DAPP1: variants seen among roughly 807,000 people sequenced by gnomAD.
DAPP1 encodes the protein dual adapter for phosphotyrosine and 3-phosphotyrosine and 3-phosphoinositide.
In DAPP1, 20 loss-of-function variants were observed where a neutral mutation model predicts 41.5. That is an observed-to-expected ratio of 0.48 (90% CI 0.34 to 0.70). DAPP1 has a LOEUF of 0.70. Ranked by LOEUF, DAPP1 falls within the 30% of genes least tolerant of loss-of-function variation. The pLI is 0.01. For missense variants in DAPP1, 233 were observed against 333.4 expected (o/e 0.70, Z 2.35); for synonymous variants, 113 against 116.2 (o/e 0.97, Z 0.18).
intron 2 of DAPP1, 45 bp from the exon 3 acceptor site, chr4:99,840,244 T>A: frequency 7.6e-7 from 1 of 1,315,424 alleles, no homozygotes; most frequent in Non-Finnish European, 1.0e-6. Flanking sequence ...TTCAACAAGA[T>A]ATTTATTTGT....
rs1306726250 is a variant in DAPP1, at chr4:99,869,458, T to C, written c.*1273T>C. On this transcript the variant is annotated 3_prime_UTR_variant, in exon 9 of 9. Transcript: ENST00000512369. ...TATGCTGCAAAGCTATGATATAAAC[T>C]GCTCTTGCAGTCCAAAGGGATACCT... 2 of 152,244 alleles carry C rather than the reference T, an allele frequency of 1.3e-5. No individual in the cohort carries two copies. The highest frequency in any genetic ancestry group is 2.9e-5 in the Non-Finnish European group (2 of 68,044). 9.4% of individuals were successfully genotyped at this position (152,244 alleles called of 1,614,324 possible).
rs1234802710 is a variant in DAPP1, at chr4:99,865,935, ATATAT to A, written c.687-88_687-84del. On this transcript the variant is annotated intron_variant, in intron 7 of 8. Coordinates refer to ENST00000512369, the MANE Select transcript of DAPP1 (RefSeq NM_014395.3). ...TATATATATATATATAATATATATA[ATATAT>A]TATATTATATATTATATTATATATA... is the stretch of plus-strand genomic sequence containing the variant. 70 of 51,484 alleles carry A rather than the reference ATATAT, an allele frequency of 1.4e-3. 1 individual carries two copies. The highest frequency in any genetic ancestry group is 2.0e-3 in the Non-Finnish European group (58 of 28,662). The allele number at this position is 51,484 out of a possible 1,614,324, so 3.2% of individuals were successfully genotyped here.
At chr4:99,853,628 C>A (rs1414324022) in intron 4 of DAPP1, among the ~76,000 whole-genome samples, 1 of 152,102 alleles carries the variant, frequency 6.6e-6, no homozygotes, top group Non-Finnish European at 1.5e-5. Context: ...TGGAGACCAG[C>A]CTGGGCAACA....
chr4:99,856,905 G>A (rs1724063613), intron 4 of DAPP1, among the ~76,000 whole-genome samples: 1 of 152,192 alleles, frequency 6.6e-6, no homozygotes. Context: ...TGAGCCTTGG[G>A]AACCCAAATC....
intron 7 of DAPP1, among the ~76,000 whole-genome samples, chr4:99,864,513 A>T (rs1724360632): frequency 6.6e-6 from 1 of 152,198 alleles, no homozygotes; most frequent in Non-Finnish European, 1.5e-5. Flanking sequence ...TAAGAATAAA[A>T]TATCACATAT....
intron 6 of DAPP1, among the ~76,000 whole-genome samples, chr4:99,863,303 G>A (rs1398247731): frequency 3.3e-5 from 5 of 152,106 alleles, no homozygotes; most frequent in East Asian, 1.9e-4. Flanking sequence ...CCCAGGGCAC[G>A]TAATTCCCTC....
intron 1 of DAPP1, among the ~76,000 whole-genome samples, chr4:99,835,384 T>G (rs761137355): frequency 6.6e-6 from 1 of 152,102 alleles, no homozygotes; most frequent in African/African-American, 2.4e-5. Context: ...GGTTAGCACT[T>G]CAACATAAGA....
rs1723447655 is a variant in DAPP1 at position 99,840,159 on chromosome 4, G to A, written c.225-130G>A. Reference sequence around the variant, plus strand: ...AGTGATGCTATTTAAAACTGTCAGTGGTTTCAATGATTGCCTAATTCTCAG... The same window carrying A: ...AGTGATGCTATTTAAAACTGTCAGTAGTTTCAATGATTGCCTAATTCTCAG... On this transcript the variant is annotated intron_variant, in intron 2 of 8. Coordinates refer to ENST00000512369, the MANE Select transcript of DAPP1 (RefSeq NM_014395.3). 3 of 545,722 alleles carry A rather than the reference G, an allele frequency of 5.5e-6. No individual in the cohort carries two copies. The African/African-American group carries it at 5.9e-5, about 11-fold the overall frequency. The allele number at this position is 545,722 out of a possible 1,614,324, so 33.8% of individuals were successfully genotyped here.
downstream of DAPP1, among the ~76,000 whole-genome samples, chr4:99,870,421 T>TATC (rs1208133094): frequency 6.6e-6 from 1 of 152,076 alleles, no homozygotes; most frequent in Non-Finnish European, 1.5e-5. Context: ...TACACAAAGC[T>TATC]ATCTGATGGA....
At chr4:99,834,261 G>A (rs1224653208) in intron 1 of DAPP1, among the ~76,000 whole-genome samples, 1 of 152,192 alleles carries the variant, frequency 6.6e-6, no homozygotes, top group Non-Finnish European at 1.5e-5. Flanking sequence ...GCCTCTAAGT[G>A]TGTAGACTAT....
intron 1 of DAPP1, among the ~76,000 whole-genome samples, chr4:99,823,018 A>G (rs1021571592): frequency 3.9e-5 from 6 of 152,204 alleles, no homozygotes; most frequent in African/African-American, 1.4e-4. Flanking sequence ...AAAAATGTTT[A>G]TAACTTTAAA....
chr4:99,826,233 A>T (rs1560687865), intron 1 of DAPP1, among the ~76,000 whole-genome samples: 1 of 152,218 alleles, frequency 6.6e-6, no homozygotes, highest in African/African-American at 2.4e-5. Context: ...GGTGTGGCAC[A>T]TATGTTATGC....
chr4:99,838,851 A>AT (rs1354470373), intron 2 of DAPP1, among the ~76,000 whole-genome samples: 7 of 152,250 alleles, frequency 4.6e-5, no homozygotes, highest in African/African-American at 1.7e-4. Context: ...GACAAATAAC[A>AT]TAAAAGAAAG....
At chr4:99,840,610 CA>C (rs1723463584) in intron 3 of DAPP1, among the ~76,000 whole-genome samples, 188 bp downstream of exon 3, 1 of 151,686 alleles carries the variant, frequency 6.6e-6, no homozygotes, top group South Asian at 2.1e-4. Context: ...TGATTAAAAG[CA>C]CACAATTTCT....
intron 3 of DAPP1, among the ~76,000 whole-genome samples, chr4:99,843,762 T>TC (rs1008492095): frequency 1.3e-5 from 2 of 152,248 alleles, no homozygotes; most frequent in African/African-American, 4.8e-5. Flanking sequence ...TACCTTTTTT[T>TC]CCACACTAGT....
At chr4:99,865,934 A>ATAT (rs1491323314) in intron 7 of DAPP1, 100 bp from the exon 8 acceptor site, 1 of 80,818 alleles carries the variant, frequency 1.2e-5, no homozygotes, top group Non-Finnish European at 2.2e-5. Context: ...TAATATATAT[A>ATAT]ATATATTATA....
intron 1 of DAPP1, among the ~76,000 whole-genome samples, chr4:99,821,080 G>C (rs886274972): frequency 1.3e-5 from 2 of 152,124 alleles, no homozygotes; most frequent in Non-Finnish European, 2.9e-5. Context: ...CTTTACACAG[G>C]AAGAGACTCA....
At chr4:99,821,129 C>T (rs746940712) in intron 1 of DAPP1, among the ~76,000 whole-genome samples, 7 of 152,336 alleles carry the variant, frequency 4.6e-5, no homozygotes, top group Admixed American at 2.6e-4. Flanking sequence ...CTCTGAGTGT[C>T]TGTGTTCAAA....
intron 3 of DAPP1, among the ~76,000 whole-genome samples, chr4:99,846,504 TTAGCA>T (rs767179901): frequency 1.3e-5 from 2 of 152,252 alleles, no homozygotes; most frequent in Non-Finnish European, 2.9e-5. Flanking sequence ...GGAATGATTC[TTAGCA>T]TAGTATAAGT....
Sources: gnomAD v4.1 joint callset for allele counts (sites outside exome capture counted in the v4.1 genomes callset) on GRCh38, gnomAD v4.1.1 for gene constraint, MANE v1.5 for transcripts, NCBI Gene and HGNC (gene_info 2026-07-23, HGNC 2026-07-21) for gene names.